Variants in SLC4A7 observed in about 807,000 individuals in gnomAD.
The protein encoded by SLC4A7 is sodium bicarbonate cotransporter 3.
A neutral mutation model predicts 137.6 loss-of-function variants in SLC4A7; 51 were observed. The ratio of observed to expected loss-of-function variants is 0.37; its 90% confidence interval spans 0.30 to 0.47. The LOEUF is 0.47. Among genes scored for constraint, SLC4A7 ranks in the 20% least tolerant of loss-of-function variants. The probability of loss-of-function intolerance (pLI) is 1.00; values close to 1 mark genes in which losing one functional copy is unlikely to be tolerated. For missense variants in SLC4A7, 1,247 were observed against 1,525.4 expected (o/e 0.82, Z 3.04); for synonymous variants, 542 against 518.6 (o/e 1.05, Z -0.61).
At chr3:27,426,147 G>A (rs1411306141) in intron 7 of SLC4A7, among the ~76,000 whole-genome samples, 7 of 152,142 alleles carry the variant, frequency 4.6e-5, no homozygotes, top group African/African-American at 1.2e-4. Flanking sequence ...TGCTGTCATC[G>A]TCACTTCTCT....
chr3:27,448,943 A>T (rs1289629916), intron 2 of SLC4A7, 146 bp from the exon 3 acceptor site: 2 of 506,984 alleles, frequency 3.9e-6, no homozygotes, highest in Non-Finnish European at 6.7e-6. Flanking sequence ...CTTATTTTAT[A>T]AAGCACTACA....
At chr3:27,409,661 C>CA in intron 12 of SLC4A7, 131 bp from the exon 13 acceptor site, 1 of 615,044 alleles carries the variant, frequency 1.6e-6, no homozygotes, top group Non-Finnish European at 2.8e-6. Context: ...TCCAATTTAA[C>CA]TTATAAATTA....
chr3:27,483,708 T>C (rs905807458), intron 1 of SLC4A7, among the ~76,000 whole-genome samples: 4 of 152,062 alleles, frequency 2.6e-5, no homozygotes, highest in Admixed American at 6.5e-5. Flanking sequence ...GGACCCCGCC[T>C]GGGGAGCGCG....
At chr3:27,410,815 T>C (rs1576289964) in intron 12 of SLC4A7, among the ~76,000 whole-genome samples, 1 of 152,164 alleles carries the variant, frequency 6.6e-6, no homozygotes. Context: ...AACACTTCAT[T>C]AGTCAATGAA....
intron 11 of SLC4A7, among the ~76,000 whole-genome samples, chr3:27,414,681 T>C (rs73151808): frequency 0.16 from 24,845 of 152,134 alleles, 2,149 homozygotes; most frequent in African/African-American, 0.24. Context: ...CTGATATCAA[T>C]TTGTTTTCTG....
At chr3:27,397,226 GGCT>G (rs2052276371) in intron 18 of SLC4A7, among the ~76,000 whole-genome samples, 1 of 152,036 alleles carries the variant, frequency 6.6e-6, no homozygotes. Context: ...ATGTTGGCCA[GGCT>G]GGTCTTGAAC....
At chr3:27,433,847 A>G in intron 6 of SLC4A7, 69 bp downstream of exon 6, 1 of 1,319,036 alleles carries the variant, frequency 7.6e-7, no homozygotes, top group Non-Finnish European at 1.1e-6. Flanking sequence ...CCAAATGTTA[A>G]TCGTAACATA....
At chr3:27,446,043 C>A (rs1356034960) in intron 3 of SLC4A7, among the ~76,000 whole-genome samples, 1 of 134,700 alleles carries the variant, frequency 7.4e-6, no homozygotes, top group African/African-American at 2.8e-5. Context: ...TGTATTCTCA[C>A]TATACACAAT....
chr3:27,385,914 T>G lies in SLC4A7; in HGVS notation c.3470A>C (p.Asp1157Ala). 6.4e-7 allele frequency: 1 copy of G among 1,563,854 alleles called. No homozygotes were observed. Among genetic ancestry groups the G allele is most frequent in the Non-Finnish European group, 8.7e-7 (1 of 1,143,594 alleles). ...TACCTCTTTCTCTTTTTTCTTTTTG[T>G]CATCTTCTTTCTTTTTCTTACTTTC... ...MPESKKKKED[D>A]KKKKEKEEAE... is the part of the protein sequence containing the mutation. The change falls in exon 23 of 26, where the codon GAC becomes GCC. Residue 1157 changes from aspartate to alanine, a missense_variant. Asp to Ala is a moderately radical substitution (Grantham distance 126). This residue lies in a region of SLC4A7 where 290 missense variants were observed against 323.8 expected (regional missense o/e 0.90). Transcript: ENST00000454389.
At chr3:27,439,054 C>T (rs1434232095) in intron 3 of SLC4A7, among the ~76,000 whole-genome samples, 1 of 152,228 alleles carries the variant, frequency 6.6e-6, no homozygotes, top group East Asian at 1.9e-4. Flanking sequence ...CCACCACAAA[C>T]AGTTACCCTG....
intron 11 of SLC4A7, 98 bp downstream of exon 11, chr3:27,418,388 G>T: frequency 1.1e-6 from 1 of 873,792 alleles, no homozygotes; most frequent in South Asian, 1.7e-5. Flanking sequence ...GACGAGGTGG[G>T]GATAAAACTT....
chr3:27,471,109 A>C lies in SLC4A7; in HGVS notation c.60+12958T>G, dbSNP rs551491964. Among the ~76,000 whole-genome samples, 31 of 152,300 alleles carry C rather than the reference A, an allele frequency of 2.0e-4. No homozygotes were observed. In the South Asian group the frequency reaches 6.4e-3, roughly 32 times the overall value. The stretch of plus-strand genomic sequence containing the variant: ...CATGTATGTATGCATGTATAAAATA[A>C]AAAGTTTCACAAAACAATATATGCC... On this transcript the variant is annotated intron_variant, in intron 1 of 25. Transcript: ENST00000454389.
At chr3:27,418,041 T>C (rs1280858069) in intron 11 of SLC4A7, among the ~76,000 whole-genome samples, 11 of 152,154 alleles carry the variant, frequency 7.2e-5, no homozygotes, top group Admixed American at 7.2e-4. Context: ...ACATGTGATA[T>C]TGTCATGCAT....
chr3:27,401,264 T>G (rs933207630), intron 15 of SLC4A7, among the ~76,000 whole-genome samples: 1 of 152,190 alleles, frequency 6.6e-6, no homozygotes, highest in Non-Finnish European at 1.5e-5. Flanking sequence ...TAAGTTATAC[T>G]ACCATTAATT....
intron 4 of SLC4A7, 33 bp downstream of exon 4, chr3:27,437,351 CAAAA>C (rs538588474): frequency 3.6e-6 from 4 of 1,112,798 alleles, no homozygotes; most frequent in Non-Finnish European, 2.4e-6. Context: ...AACTCCATCT[CAAAA>C]AAAAAAAAGA....
At chr3:27,455,554 T>TA (rs1225360567) in intron 1 of SLC4A7, among the ~76,000 whole-genome samples, 1 of 150,834 alleles carries the variant, frequency 6.6e-6, no homozygotes, top group African/African-American at 2.4e-5. Context: ...TTTTCATGCG[T>TA]AACTTGCATA....
chr3:27,423,488 C>T (rs1251166870), intron 8 of SLC4A7, among the ~76,000 whole-genome samples: 2 of 152,152 alleles, frequency 1.3e-5, no homozygotes, highest in Non-Finnish European at 2.9e-5. Context: ...ACAAAATACT[C>T]ATTTACCAAA....
chr3:27,474,578 G>A (rs1423937668), intron 1 of SLC4A7, among the ~76,000 whole-genome samples: 2 of 151,862 alleles, frequency 1.3e-5, no homozygotes, highest in African/African-American at 2.4e-5. Context: ...TGGCATGGTG[G>A]CGGGCACCTG....
chr3:27,428,483 T>G (rs1415410289), intron 7 of SLC4A7, among the ~76,000 whole-genome samples: 3 of 152,224 alleles, frequency 2.0e-5, no homozygotes, highest in African/African-American at 7.2e-5. Flanking sequence ...AAGCTTCTAT[T>G]TGTACTTCCA....
Sources: gnomAD v4.1 joint callset for allele counts (sites outside exome capture counted in the v4.1 genomes callset) on GRCh38, gnomAD v4.1.1 for gene constraint, gnomAD v4.1.1 regional missense constraint, MANE v1.5 for transcripts, NCBI Gene and HGNC (gene_info 2026-07-23, HGNC 2026-07-21) for gene names.